The following TMEM63C variants were observed in gnomAD, a reference collection of about 807,000 sequenced individuals.
The protein encoded by TMEM63C is osmosensitive cation channel TMEM63C.
A neutral mutation model predicts 99.2 loss-of-function variants in TMEM63C; 32 were observed. The ratio of observed to expected loss-of-function variants is 0.32; its 90% CI spans 0.24 to 0.43. The LOEUF (loss-of-function observed/expected upper bound fraction) is 0.43. Ranked by LOEUF, TMEM63C falls within the 20% of genes least tolerant of loss-of-function variation. TMEM63C has a pLI of 1.00. For missense variants in TMEM63C, 826 were observed against 1,053.0 expected (o/e 0.78, Z 2.98); for synonymous variants, 376 against 397.9 (o/e 0.94, Z 0.66).
intron 1 of TMEM63C, among the ~76,000 whole-genome samples, chr14:77,191,710 A>G (rs2540900): frequency 0.45 from 68,573 of 151,086 alleles, 16,086 homozygotes; most frequent in East Asian, 0.79. Context: ...AAGCCTGGCT[A>G]ATTTTGCATT....
At position 77,194,336 on chromosome 14, in the gene TMEM63C, A is replaced by ATGTGTGTG. The variant is rs36201483; in HGVS notation, c.-77+12482_-77+12489dup. On this transcript the variant is annotated intron_variant, in intron 1 of 23. Coordinates refer to ENST00000298351, the MANE Select transcript of TMEM63C (RefSeq NM_020431.4). ...AAGATGCAGGCATAGATATATATATATGTGTGTGTGTGTGTGTGTGTGTGT... is the reference window on the plus strand; with the variant it reads ...AAGATGCAGGCATAGATATATATATATGTGTGTGTGTGTGTGTGTGTGTGTGTGTGTGT... Among the ~76,000 whole-genome samples, 120 of 87,602 alleles carry ATGTGTGTG rather than the reference A, an allele frequency of 1.4e-3. 2 individuals carry two copies. The highest frequency in any genetic ancestry group is 7.0e-3 in the African/African-American group (119 of 17,004). 57.5% of individuals were successfully genotyped at this position (87,602 alleles called of 152,430 possible).
chr14:77,200,203 G>T (rs989843838), intron 1 of TMEM63C, among the ~76,000 whole-genome samples: 1 of 152,164 alleles, frequency 6.6e-6, no homozygotes, highest in South Asian at 2.1e-4. Context: ...TACCCAAGGG[G>T]CAGGAGCAAG....
At chr14:77,236,600 C>T (rs201683963) in intron 8 of TMEM63C, 24 bp from the exon 9 acceptor site, 1 of 1,560,284 alleles carries the variant, frequency 6.4e-7, no homozygotes, top group East Asian at 2.2e-5. Context: ...GCTGACCTCA[C>T]TGCTGCTGCC....
intron 10 of TMEM63C, 96 bp from the exon 11 acceptor site, chr14:77,239,316 C>A: frequency 2.4e-6 from 3 of 1,266,396 alleles, no homozygotes; most frequent in Non-Finnish European, 1.1e-6. Flanking sequence ...GGCAGCTGAG[C>A]CACCCAGCCC....
rs531162838 is a variant in TMEM63C, at chr14:77,225,320, C to T, written c.313-104C>T. ...TTTTTCCCAGGAAGGAGGCCCCGGACGCTGCCGCGGCTGCCTCAGATGACC... is the reference window on the plus strand; with the variant it reads ...TTTTTCCCAGGAAGGAGGCCCCGGATGCTGCCGCGGCTGCCTCAGATGACC... On this transcript the variant is annotated intron_variant, in intron 5 of 23. Transcript: ENST00000298351. The T allele has an allele frequency of 2.5e-5, 25 of 1,000,326 alleles. No individual in the cohort carries two copies. In the East Asian group the frequency reaches 3.3e-4, roughly 13 times the overall value. The allele number at this position is 1,000,326 out of a possible 1,614,324, so 62.0% of individuals were successfully genotyped here. A position where few individuals can be genotyped will look rare whatever the true frequency, so the allele number is the denominator to read the frequency against.
intron 1 of TMEM63C, among the ~76,000 whole-genome samples, chr14:77,201,475 G>T (rs1205811370): frequency 6.6e-6 from 1 of 152,200 alleles, no homozygotes; most frequent in Admixed American, 6.5e-5. Context: ...AAGTCTGGGG[G>T]TCAGATGAGG....
intron 1 of TMEM63C, among the ~76,000 whole-genome samples, chr14:77,206,828 A>T (rs1888410350): frequency 6.6e-6 from 1 of 152,226 alleles, no homozygotes; most frequent in Non-Finnish European, 1.5e-5. Flanking sequence ...TAGTTTTTCA[A>T]ACTCAGAAAA....
intron 22 of TMEM63C, among the ~76,000 whole-genome samples, chr14:77,252,381 A>G (rs922623028): frequency 6.6e-6 from 1 of 151,634 alleles, no homozygotes; most frequent in Non-Finnish European, 1.5e-5. Context: ...GCCCCACATG[A>G]CTCCTTTGGT....
In TMEM63C at chr14:77,241,243, G is replaced by A. The variant is rs375131097; in HGVS notation, c.1064+635G>A. On this transcript the variant is annotated intron_variant, in intron 13 of 23. Transcript: ENST00000298351. ...TGGGATTACAGGTGTGAGCCACTGCGCCCAGCTGACACACACATCACTCCC... is the reference window on the plus strand; with the variant it reads ...TGGGATTACAGGTGTGAGCCACTGCACCCAGCTGACACACACATCACTCCC... Among the ~76,000 whole-genome samples the A allele has an allele frequency of 1.8e-3, 267 of 152,056 alleles. 1 individual carries two copies. Among genetic ancestry groups the A allele is most frequent in the African/African-American group, 6.0e-3 (250 of 41,486 alleles).
Position 77,242,899 on chromosome 14 carries a change from C to G in TMEM63C, c.1188-4C>G, listed in dbSNP as rs764439460. ...ATGTGCCTCCTTCTTCCATCCTTCC[C>G]CAGGAAACACCTGTCTGTCCGCCGC... On this transcript the variant is annotated splice_polypyrimidine_tract_variant and splice_region_variant and intron_variant, in intron 14 of 23. Transcript: ENST00000298351. The G allele has an allele frequency of 9.3e-6, 15 of 1,614,036 alleles. No homozygotes were observed. Among genetic ancestry groups the G allele is most frequent in the Non-Finnish European group, 1.3e-5 (15 of 1,179,886 alleles).
intron 1 of TMEM63C, among the ~76,000 whole-genome samples, chr14:77,197,961 C>T (rs962344398): frequency 5.3e-5 from 8 of 152,210 alleles, no homozygotes; most frequent in East Asian, 1.9e-4. Flanking sequence ...TGGCCAGGAG[C>T]GGACCTGGAT....
At chr14:77,207,709 G>GAGGA (rs1888426451) in intron 1 of TMEM63C, among the ~76,000 whole-genome samples, 1 of 152,234 alleles carries the variant, frequency 6.6e-6, no homozygotes, top group African/African-American at 2.4e-5. Context: ...TGTTGCTTGT[G>GAGGA]AGGAATAAAC....
intron 1 of TMEM63C, among the ~76,000 whole-genome samples, chr14:77,184,528 C>G (rs2140085183): frequency 6.6e-6 from 1 of 152,244 alleles, no homozygotes; most frequent in South Asian, 2.1e-4. Flanking sequence ...GCTGTTTGCA[C>G]AGAGCGTCCA....
intron 13 of TMEM63C, among the ~76,000 whole-genome samples, chr14:77,241,302 C>T (rs907235030): frequency 6.6e-6 from 1 of 152,178 alleles, no homozygotes; most frequent in African/African-American, 2.4e-5. Flanking sequence ...GATAGAGCAG[C>T]TCTGTTTGCC....
intron 15 of TMEM63C, among the ~76,000 whole-genome samples, chr14:77,243,799 C>A (rs2216088): frequency 0.024 from 3,650 of 152,232 alleles, 141 homozygotes; most frequent in African/African-American, 0.084. Flanking sequence ...TCAACACACA[C>A]GCATGCACAC....
intron 1 of TMEM63C, among the ~76,000 whole-genome samples, chr14:77,189,887 G>A (rs1888074390): frequency 6.6e-6 from 1 of 152,176 alleles, no homozygotes; most frequent in African/African-American, 2.4e-5. Flanking sequence ...GACTGACTTT[G>A]TATCAAGCTG....
chr14:77,244,128 G>A (rs72679175), intron 15 of TMEM63C, among the ~76,000 whole-genome samples: 2,239 of 152,196 alleles, frequency 0.015, 30 homozygotes, highest in Non-Finnish European at 0.025. Flanking sequence ...TCAGGCTGCC[G>A]CTCCAGTGAC....
chr14:77,240,931 CTTTTTTTTTTTTTTTCTT>C lies in TMEM63C; in HGVS notation c.1064+337_1064+354del, dbSNP rs200114131. 2.6e-4 allele frequency among the ~76,000 whole-genome samples: 34 copies of C among 128,496 alleles called. 1 individual carries two copies. Among genetic ancestry groups the C allele is most frequent in the South Asian group, 4.7e-4 (2 of 4,236 alleles). 84.3% of individuals were successfully genotyped at this position (128,496 alleles called of 152,430 possible). ...AGAATGACATCCCTTTTCCCTTTTT[CTTTTTTTTTTTTTTTCTT>C]TTTTTTTTTTTTTCTTTTTTTGAGA... On this transcript the variant is annotated intron_variant, in intron 13 of 23. Coordinates refer to ENST00000298351, the MANE Select transcript of TMEM63C (RefSeq NM_020431.4).
At chr14:77,199,774 G>A (rs1210891943) in intron 1 of TMEM63C, among the ~76,000 whole-genome samples, 1 of 152,232 alleles carries the variant, frequency 6.6e-6, no homozygotes, top group Admixed American at 6.5e-5. Flanking sequence ...TTCACCTCCA[G>A]CAGGTGTGGG....
Sources: gnomAD v4.1 joint callset for allele counts (sites outside exome capture counted in the v4.1 genomes callset) on GRCh38, gnomAD v4.1.1 for gene constraint, MANE v1.5 for transcripts, NCBI Gene and HGNC (gene_info 2026-07-23, HGNC 2026-07-21) for gene names.